Variants in KCNIP4 observed in about 807,000 individuals in gnomAD.
KCNIP4 encodes the protein Kv channel-interacting protein 4.
KCNIP4 carries 12 observed loss-of-function variants against 34.0 expected under a neutral mutation model. The observed-to-expected ratio is 0.35, with a 90% confidence interval of 0.23 to 0.57. KCNIP4 has a LOEUF of 0.57. KCNIP4 is among the 20% of genes least tolerant of loss of function. KCNIP4 has a pLI of 0.83. For synonymous variants in KCNIP4, 124 were observed against 102.2 expected, an observed-to-expected ratio of 1.21 and a Z score of -1.29; for missense variants, 238 against 311.7, an observed-to-expected ratio of 0.76 and a Z score of 1.78.
chr4:21,320,363 C>G (rs954532087), intron 1 of KCNIP4, among the ~76,000 whole-genome samples: 2 of 152,106 alleles, frequency 1.3e-5, no homozygotes, highest in African/African-American at 4.8e-5. Flanking sequence ...CTAGCATACT[C>G]GGGCACTGGG....
chr4:21,355,446 G>T (rs1008906384), intron 1 of KCNIP4, among the ~76,000 whole-genome samples: 2 of 151,690 alleles, frequency 1.3e-5, no homozygotes, highest in Non-Finnish European at 2.9e-5. Flanking sequence ...TCAAATAGAC[G>T]CAATAAAAAA....
At chr4:21,874,371 A>G (rs872995) in intron 1 of KCNIP4, among the ~76,000 whole-genome samples, 14,863 of 152,166 alleles carry the variant, frequency 0.098, 2,425 homozygotes, top group African/African-American at 0.34. Flanking sequence ...ATCATGCTGC[A>G]TGAGGCCGTC....
intron 1 of KCNIP4, among the ~76,000 whole-genome samples, chr4:21,615,633 C>G (rs1162823462): frequency 6.6e-6 from 1 of 151,896 alleles, no homozygotes; most frequent in Admixed American, 6.6e-5. Flanking sequence ...AACCTGAAAA[C>G]AAAGAATTGA....
intron 1 of KCNIP4, among the ~76,000 whole-genome samples, chr4:20,967,128 C>T (rs931725374): frequency 3.9e-5 from 6 of 152,110 alleles, no homozygotes; most frequent in Non-Finnish European, 8.8e-5. Context: ...TTTATCATGA[C>T]CTATATCTTA....
At chr4:20,741,381 A>G (rs987608316) in intron 5 of KCNIP4, among the ~76,000 whole-genome samples, 3 of 152,260 alleles carry the variant, frequency 2.0e-5, no homozygotes, top group Non-Finnish European at 4.4e-5. Flanking sequence ...CTCTCAGACT[A>G]CAATGCAATC....
chr4:21,630,846 T>C (rs1050207791), intron 1 of KCNIP4, among the ~76,000 whole-genome samples: 7 of 152,332 alleles, frequency 4.6e-5, no homozygotes, highest in Admixed American at 3.3e-4. Context: ...TTCTGTTTTT[T>C]GCCTAATGTA....
intron 4 of KCNIP4, among the ~76,000 whole-genome samples, chr4:20,752,369 T>G (rs977632700): frequency 6.6e-6 from 1 of 152,122 alleles, no homozygotes. Flanking sequence ...TTCATAGAGA[T>G]CTTACTAAGT....
chr4:21,428,872 A>G (rs976811881), intron 1 of KCNIP4, among the ~76,000 whole-genome samples: 19 of 152,352 alleles, frequency 1.2e-4, no homozygotes, highest in African/African-American at 4.1e-4. Context: ...AATGAAGAGT[A>G]GAGAGTTCCC....
chr4:20,957,441 G>T (rs1320296133), intron 1 of KCNIP4, among the ~76,000 whole-genome samples: 1 of 152,082 alleles, frequency 6.6e-6, no homozygotes, highest in Non-Finnish European at 1.5e-5. Flanking sequence ...GTTGAGTAAA[G>T]GGTCCAAGAC....
chr4:21,233,842 A>G (rs1443396220), intron 1 of KCNIP4, among the ~76,000 whole-genome samples: 1 of 132,614 alleles, frequency 7.5e-6, no homozygotes, highest in African/African-American at 3.2e-5. Flanking sequence ...TATAATATAT[A>G]TTACACTATA....
chr4:21,320,964 T>TTAAAAA (rs1553860312), intron 1 of KCNIP4, among the ~76,000 whole-genome samples: 1 of 102,898 alleles, frequency 9.7e-6, no homozygotes, highest in Non-Finnish European at 1.9e-5. Flanking sequence ...GAATCTGTCT[T>TTAAAAA]AAAAAAAAAA....
At chr4:21,656,872 T>C (rs1182786019) in intron 1 of KCNIP4, 2 of 152,250 alleles carry the variant, frequency 1.3e-5, no homozygotes, top group Non-Finnish European at 2.9e-5. Flanking sequence ...TGAGCTATTC[T>C]GCCAGGCTCA....
chr4:21,773,220 G>A (rs898448431), intron 1 of KCNIP4, among the ~76,000 whole-genome samples: 19 of 152,108 alleles, frequency 1.2e-4, no homozygotes, highest in African/African-American at 3.6e-4. Context: ...ATGAAATTTT[G>A]TGGTTTTGAG....
intron 1 of KCNIP4, among the ~76,000 whole-genome samples, chr4:21,881,354 G>C (rs532087550): frequency 6.6e-6 from 1 of 152,222 alleles, no homozygotes; most frequent in South Asian, 2.1e-4. Flanking sequence ...TGGATTATAT[G>C]TAGGGTTTAA....
intron 1 of KCNIP4, among the ~76,000 whole-genome samples, chr4:20,957,213 T>C (rs1358301393): frequency 6.6e-6 from 1 of 152,200 alleles, no homozygotes; most frequent in Non-Finnish European, 1.5e-5. Context: ...TTCCACATTC[T>C]TCCTTCAGAT....
chr4:20,962,571 T>C (rs1240511711), intron 1 of KCNIP4, among the ~76,000 whole-genome samples: 2 of 152,204 alleles, frequency 1.3e-5, no homozygotes, highest in Non-Finnish European at 2.9e-5. Flanking sequence ...ATCACAGTAC[T>C]AACATTGGGC....
At position 20,850,815 on chromosome 4, in the gene KCNIP4, A is replaced by G. The variant is rs1362876841; in HGVS notation, c.164-148T>C. 33 of 798,550 alleles carry G rather than the reference A, an allele frequency of 4.1e-5. No individual in the cohort carries two copies. In the East Asian group the frequency reaches 9.1e-4, roughly 22 times the overall value. The allele number at this position is 798,550 out of a possible 1,614,324, so 49.5% of individuals were successfully genotyped here. On this transcript the variant is annotated intron_variant, in intron 2 of 8. Transcript: ENST00000382152. ...CCCTCACAATGCCTATAAGGCCTTT[A>G]CATTTCCCAGTTTAAGCGTATTAAG... is the stretch of plus-strand genomic sequence containing the variant.
At chr4:20,811,679 T>C (rs577626536) in intron 3 of KCNIP4, among the ~76,000 whole-genome samples, 1 of 152,350 alleles carries the variant, frequency 6.6e-6, no homozygotes. Context: ...AGTATAACTC[T>C]GGTGACAGGA....
chr4:20,742,066 G>A (rs1486992217), intron 5 of KCNIP4, among the ~76,000 whole-genome samples: 5 of 152,142 alleles, frequency 3.3e-5, no homozygotes, highest in Admixed American at 6.5e-5. Context: ...CTGAAATTGA[G>A]GCAATAATTA....
Sources: gnomAD v4.1 joint callset for allele counts (sites outside exome capture counted in the v4.1 genomes callset) on GRCh38, gnomAD v4.1.1 for gene constraint, MANE v1.5 for transcripts, NCBI Gene and HGNC (gene_info 2026-07-23, HGNC 2026-07-21) for gene names.